HEATR6: variants seen among roughly 807,000 people sequenced by gnomAD.
HEATR6 encodes HEAT repeat-containing protein 6.
HEATR6 carries 106 observed loss-of-function variants against 132.8 expected under a neutral mutation model. The ratio of observed to expected loss-of-function variants is 0.80; its 90% CI spans 0.68 to 0.94. HEATR6 has a LOEUF of 0.94. Among genes scored for constraint, HEATR6 ranks in the 40% least tolerant of loss-of-function variants. The pLI is 0.00. For synonymous variants in HEATR6, 529 were observed against 537.8 expected (o/e 0.98, Z 0.23); for missense variants, 1,339 against 1,425.1 (o/e 0.94, Z 0.97).
chr17:60,053,177 G>A (rs755969680), intron 14 of HEATR6, among the ~76,000 whole-genome samples: 11 of 152,092 alleles, frequency 7.2e-5, no homozygotes, highest in Non-Finnish European at 4.4e-5. Context: ...TTATTCACAC[G>A]AGAGCTAATT....
rs1906166939 is a variant in HEATR6, at chr17:60,041,327, G to T, written c.*2236C>A. Among the ~76,000 whole-genome samples the T allele has an allele frequency of 6.6e-6, 1 of 152,196 alleles. No homozygotes were observed. Among genetic ancestry groups the T allele is most frequent in the Non-Finnish European group, 1.5e-5 (1 of 68,038 alleles). ...TGAATGGGATTTTATTCAAGATAAG[G>T]AAAGGATAAGAGTGAATCATCAAAT... On this transcript the variant is annotated 3_prime_UTR_variant, in exon 20 of 20. Coordinates refer to ENST00000184956, the MANE Select transcript of HEATR6 (RefSeq NM_022070.5).
In HEATR6 at chr17:60,046,121, G is replaced by C; in HGVS notation, c.2878C>G (p.Leu960Val). The C allele has an allele frequency of 6.2e-7, 1 of 1,613,844 alleles. No homozygotes were observed. The highest frequency in any genetic ancestry group is 8.5e-7 in the Non-Finnish European group (1 of 1,179,758). Residue 960 changes from leucine (L) to valine (V), a missense_variant, in exon 19 of 20, where the codon CTA (leucine) becomes GTA (valine). Transcript: ENST00000184956. ...AEIIEESIQA[L>V]ISTVLTEAAM... is the part of the protein sequence containing the mutation. The stretch of plus-strand genomic sequence containing the variant: ...GCTTCTGTTAGAACAGTAGAAATTA[G>C]GGCCTGGATAGACTCCTCAATGATT...
intron 3 of HEATR6, 97 bp downstream of exon 3, chr17:60,073,649 C>A: frequency 8.4e-7 from 1 of 1,196,626 alleles, no homozygotes; most frequent in Admixed American, 2.2e-5. Context: ...ATAAGAATTG[C>A]TAGAGATTAG....
chr17:60,051,953 A>C (rs1906590094), intron 14 of HEATR6, among the ~76,000 whole-genome samples: 1 of 152,218 alleles, frequency 6.6e-6, no homozygotes, highest in Non-Finnish European at 1.5e-5. Flanking sequence ...GAACAGGCTG[A>C]CCTGTGTAAC....
At chr17:60,062,987 TC>T in intron 9 of HEATR6, 1 of 166,482 alleles carries the variant, frequency 6.0e-6, no homozygotes, top group Non-Finnish European at 1.3e-5. Flanking sequence ...TTCTGAAGCC[TC>T]CCCAGCCATG....
At position 60,057,275 on chromosome 17, in the gene HEATR6, T is replaced by C. The variant is rs1206781450; in HGVS notation, c.1852A>G (p.Thr618Ala). 4 of 1,613,900 alleles carry C rather than the reference T, an allele frequency of 2.5e-6. No individual in the cohort carries two copies. The highest frequency in any genetic ancestry group is 3.4e-6 in the Non-Finnish European group (4 of 1,179,998). The change falls in exon 12 of 20, where the codon ACC becomes GCC. Residue 618 changes from threonine to alanine, a missense_variant. Coordinates refer to ENST00000184956, the MANE Select transcript of HEATR6 (RefSeq NM_022070.5). ...SSGLGNSNSA[T>A]PHLSPPDWWK... is the part of the protein sequence containing the mutation. ...CAATCAGGAGGGCTGAGGTGAGGGG[T>C]TGCTGAATTGCTATTACCGAGTCCA...
rs1044995861 is a variant in HEATR6 at position 60,041,966 on chromosome 17, T to C, written c.*1597A>G. On this transcript the variant is annotated 3_prime_UTR_variant, in exon 20 of 20. Coordinates refer to ENST00000184956, the MANE Select transcript of HEATR6 (RefSeq NM_022070.5). ...AATTCCTAATTGAAATCAATTCCAA[T>C]AAATCGTTGGTGCTCAGTAGAAAAA... Among the ~76,000 whole-genome samples the C allele has an allele frequency of 6.6e-6, 1 of 152,220 alleles. No individual in the cohort carries two copies. Among genetic ancestry groups the C allele is most frequent in the Non-Finnish European group, 1.5e-5 (1 of 68,038 alleles).
At chr17:60,072,095 C>CAT (rs1288225758) in intron 5 of HEATR6, 120 bp downstream of exon 5, 1 of 430,878 alleles carries the variant, frequency 2.3e-6, no homozygotes, top group African/African-American at 2.0e-5. Flanking sequence ...ACAAACATTT[C>CAT]ATATATGTGT....
chr17:60,048,193 A>G (rs1252815442), intron 17 of HEATR6, 71 bp downstream of exon 17: 1 of 1,511,192 alleles, frequency 6.6e-7, no homozygotes, highest in African/African-American at 1.4e-5. Context: ...CTTTCATGGT[A>G]GAGATCGAGG....
chr17:60,073,171 A>G lies in HEATR6; in HGVS notation c.577T>C (p.Cys193Arg), dbSNP rs974988738. 1.9e-6 allele frequency: 3 copies of G among 1,594,586 alleles called. No individual in the cohort carries two copies. Among genetic ancestry groups the G allele is most frequent in the Admixed American group, 1.7e-5 (1 of 59,978 alleles). The change falls in exon 4 of 20, where the codon TGT (cysteine) becomes CGT (arginine). Residue 193 changes from cysteine (C) to arginine (R), a missense_variant. Transcript: ENST00000184956. Reference sequence around the variant, plus strand: ...TTGACTGGAGCCACATACCTGAGACATAAGTTTGCCATACAATGTACTGCA... The same window carrying G: ...TTGACTGGAGCCACATACCTGAGACGTAAGTTTGCCATACAATGTACTGCA... ...RAAVHCMANL[C>R]LSVPGQPYLE...
chr17:60,073,405 T>A, intron 3 of HEATR6, 126 bp from the exon 4 acceptor site: 2 of 637,508 alleles, frequency 3.1e-6, no homozygotes, highest in Non-Finnish European at 5.5e-6. Context: ...AGCTGTTAGA[T>A]AAATGTCTCC....
chr17:60,058,001 T>A (rs1906810494), intron 11 of HEATR6, among the ~76,000 whole-genome samples: 1 of 152,236 alleles, frequency 6.6e-6, no homozygotes, highest in African/African-American at 2.4e-5. Flanking sequence ...TATCACACTG[T>A]CTTAATTACT....
At chr17:60,047,796 G>A (rs1398427434) in intron 17 of HEATR6, among the ~76,000 whole-genome samples, 1 of 152,110 alleles carries the variant, frequency 6.6e-6, no homozygotes, top group Non-Finnish European at 1.5e-5. Flanking sequence ...TTGCTTATAC[G>A]CTGAAGTGAC....
At chr17:60,047,812 G>A (rs551141551) in intron 17 of HEATR6, among the ~76,000 whole-genome samples, 1 of 152,282 alleles carries the variant, frequency 6.6e-6, no homozygotes, top group African/African-American at 2.4e-5. Flanking sequence ...GTGACAAAAA[G>A]CAGGACACGT....
chr17:60,078,854 C>T lies in HEATR6; in HGVS notation c.61G>A (p.Glu21Lys). 6.6e-7 allele frequency: 1 copy of T among 1,510,010 alleles called. No homozygotes were observed. The highest frequency in any genetic ancestry group is 1.8e-5 in the Admixed American group (1 of 55,776). 93.5% of individuals were successfully genotyped at this position (1,510,010 alleles called of 1,614,324 possible). The change falls in exon 1 of 20, where the codon GAA (glutamate) becomes AAA (lysine). Residue 21 changes from glutamate to lysine, a missense_variant. Glu to Lys is a moderately conservative substitution (Grantham distance 56). Transcript: ENST00000184956. ...PSVQPREAPR[E>K]AIPERGNGFR... ...CCATTGCCTCGCTCAGGGATTGCTT[C>T]CCGCGGTGCCTCCCGCGGCTGCACG... is the stretch of plus-strand genomic sequence containing the variant.
chr17:60,067,075 C>G (rs2083244875), intron 8 of HEATR6, among the ~76,000 whole-genome samples: 1 of 151,810 alleles, frequency 6.6e-6, no homozygotes, highest in South Asian at 2.1e-4. Flanking sequence ...TCGAGACCAT[C>G]CCGGCTAAAA....
At position 60,043,974 on chromosome 17, in the gene HEATR6, T is replaced by C; in HGVS notation, c.3135A>G (p.Ala1045=). 6.2e-7 allele frequency: 1 copy of C among 1,614,110 alleles called. No homozygotes were observed. Among genetic ancestry groups the C allele is most frequent in the Non-Finnish European group, 8.5e-7 (1 of 1,180,034 alleles). ...CACTCTTCTGTAAAGCGGTGACCAA[T>C]GCATTCCAGATCCGAGCATACTGGT... is the stretch of plus-strand genomic sequence containing the variant. ...SVDQYARIWN[A]LVTALQKSED... is the part of the protein sequence containing the mutation. The change falls in exon 20 of 20, where the codon GCA becomes GCG. Residue 1045 remains alanine, a synonymous_variant. Transcript: ENST00000184956.
intron 15 of HEATR6, among the ~76,000 whole-genome samples, chr17:60,050,263 C>A (rs1317135433): frequency 6.6e-6 from 1 of 152,148 alleles, no homozygotes; most frequent in African/African-American, 2.4e-5. Flanking sequence ...AGAGAGCGAA[C>A]CCTCCCAAGG....
chr17:60,076,999 C>T (rs948590841), intron 1 of HEATR6, among the ~76,000 whole-genome samples: 9 of 150,798 alleles, frequency 6.0e-5, no homozygotes, highest in East Asian at 1.9e-4. Context: ...CTTCATCCAT[C>T]GATGTTTATA....
Sources: allele counts gnomAD v4.1 joint callset (sites outside exome capture counted in the v4.1 genomes callset), GRCh38; gene constraint gnomAD v4.1.1; transcripts MANE v1.5; gene names NCBI Gene and HGNC (gene_info 2026-07-23, HGNC 2026-07-21).